The following LOC400499 variants were observed in gnomAD, a reference collection of about 807,000 sequenced individuals.
the LOC400499 span, chr16:11,491,665 G>GCCC: frequency 2.9e-6 from 1 of 344,472 alleles, no homozygotes. Flanking sequence ...CCCCACCCCT[G>GCCC]CCCACACCCC....
chr16:11,482,670 C>T, the LOC400499 span, among the ~76,000 whole-genome samples: 54 of 152,124 alleles, frequency 3.5e-4, no homozygotes, highest in African/African-American at 1.2e-3. Flanking sequence ...GCAGGAGGAT[C>T]GCTTGAGGTC....
the LOC400499 span, among the ~76,000 whole-genome samples, chr16:11,507,277 C>T: frequency 5.8e-3 from 878 of 152,286 alleles, 6 homozygotes; most frequent in African/African-American, 0.02. Flanking sequence ...CTGGTTGCCA[C>T]GGACTGCAGG....
At chr16:11,377,097 G>T in the LOC400499 span, among the ~76,000 whole-genome samples, 1 of 152,166 alleles carries the variant, frequency 6.6e-6, no homozygotes, top group Non-Finnish European at 1.5e-5. Flanking sequence ...GAGACTATAG[G>T]CGTGCACAAC....
chr16:11,455,643 G>A, the LOC400499 span, among the ~76,000 whole-genome samples: 2,756 of 151,212 alleles, frequency 0.018, 91 homozygotes, highest in African/African-American at 0.063. Flanking sequence ...GCTGAGGCAC[G>A]AGAAGAGCTT....
the LOC400499 span, among the ~76,000 whole-genome samples, chr16:11,400,186 C>T: frequency 6.6e-6 from 1 of 152,132 alleles, no homozygotes; most frequent in Non-Finnish European, 1.5e-5. Flanking sequence ...ACCTCATCTC[C>T]CTGTCACCCA....
At chr16:11,376,217 T>A in the LOC400499 span, among the ~76,000 whole-genome samples, 906 of 152,368 alleles carry the variant, frequency 5.9e-3, 5 homozygotes, top group Admixed American at 9.1e-3. Flanking sequence ...CTGTTTCTCC[T>A]TTTGTTGCTT....
the LOC400499 span, chr16:11,494,497 C>A: frequency 2.4e-5 from 9 of 376,468 alleles, no homozygotes; most frequent in East Asian, 7.6e-5. Context: ...CCCACCCTCT[C>A]CACCTGGAGC....
the LOC400499 span, among the ~76,000 whole-genome samples, chr16:11,463,757 G>A: frequency 3.9e-5 from 6 of 152,090 alleles, no homozygotes; most frequent in East Asian, 9.6e-4. Context: ...ATGGATGTGT[G>A]TATATATGAA....
At chr16:11,512,946 C>G in the LOC400499 span, among the ~76,000 whole-genome samples, 2 of 152,132 alleles carry the variant, frequency 1.3e-5, no homozygotes, top group Non-Finnish European at 2.9e-5. Context: ...GGTTCTCCCC[C>G]AGGGGGTGCC....
the LOC400499 span, among the ~76,000 whole-genome samples, chr16:11,456,115 G>A: frequency 6.7e-6 from 1 of 149,872 alleles, no homozygotes; most frequent in Non-Finnish European, 1.5e-5. Context: ...TGTGATCTCT[G>A]CTCACCGAAA....
chr16:11,411,585 C>A, the LOC400499 span, among the ~76,000 whole-genome samples: 3 of 152,186 alleles, frequency 2.0e-5, no homozygotes, highest in Non-Finnish European at 4.4e-5. Context: ...GCACCAGGAG[C>A]AAGCTTCTTG....
At chr16:11,372,952 C>T in the LOC400499 span, among the ~76,000 whole-genome samples, 1,096 of 152,320 alleles carry the variant, frequency 7.2e-3, 7 homozygotes, top group Non-Finnish European at 0.012. Context: ...TTGCAGGCAG[C>T]GGTGCTAGGC....
At chr16:11,405,431 T>A in the LOC400499 span, among the ~76,000 whole-genome samples, 3 of 151,978 alleles carry the variant, frequency 2.0e-5, no homozygotes, top group Non-Finnish European at 4.4e-5. Flanking sequence ...AATGATGGGA[T>A]AAGGTGACAA....
At chr16:11,402,703 G>A in the LOC400499 span, among the ~76,000 whole-genome samples, 1 of 152,078 alleles carries the variant, frequency 6.6e-6, no homozygotes, top group East Asian at 1.9e-4. Flanking sequence ...GGAGCCGCCC[G>A]CTCACCCTAC....
the LOC400499 span, among the ~76,000 whole-genome samples, chr16:11,482,576 C>G: frequency 7.9e-5 from 12 of 152,254 alleles, no homozygotes; most frequent in East Asian, 1.7e-3. Flanking sequence ...GAAAATATTT[C>G]TGAGTTACAT....
the LOC400499 span, among the ~76,000 whole-genome samples, chr16:11,413,352 C>T: frequency 6.6e-6 from 1 of 152,142 alleles, no homozygotes; most frequent in African/African-American, 2.4e-5. Context: ...GGCCCCCTGA[C>T]CCCCTGGGAG....
At chr16:11,432,394 C>G in the LOC400499 span, among the ~76,000 whole-genome samples, 1 of 152,238 alleles carries the variant, frequency 6.6e-6, no homozygotes, top group Admixed American at 6.5e-5. Flanking sequence ...GACACATTGT[C>G]TGACTCCTTA....
chr16:11,449,170 C>T, the LOC400499 span: 12 of 1,297,220 alleles, frequency 9.3e-6, no homozygotes, highest in South Asian at 2.1e-5. Context: ...ACCTGGGATA[C>T]CCTTTCATCT....
the LOC400499 span, among the ~76,000 whole-genome samples, chr16:11,489,539 T>TC: frequency 6.6e-6 from 1 of 151,774 alleles, no homozygotes; most frequent in Non-Finnish European, 1.5e-5. Flanking sequence ...CCCCCAACCC[T>TC]CCCCCCATTG....
Sources: allele counts gnomAD v4.1 joint callset (sites outside exome capture counted in the v4.1 genomes callset), GRCh38; gene constraint gnomAD v4.1.1; transcripts MANE v1.5.